SEC24D: variants seen among roughly 807,000 people sequenced by gnomAD.
The protein encoded by SEC24D is protein transport protein Sec24D.
In SEC24D, 69 loss-of-function variants were observed where a neutral mutation model predicts 116.9. The ratio of observed to expected loss-of-function variants is 0.59; its 90% CI spans 0.49 to 0.72. The LOEUF is 0.72. SEC24D is among the 30% of genes least tolerant of loss of function. The pLI is 0.00. For missense variants in SEC24D, 1,131 were observed against 1,264.1 expected (o/e 0.89, Z 1.60); for synonymous variants, 405 against 442.8 (o/e 0.91, Z 1.07).
At chr4:118,791,940 C>T (rs951162512) in intron 8 of SEC24D, among the ~76,000 whole-genome samples, 6 of 152,046 alleles carry the variant, frequency 3.9e-5, no homozygotes, top group Non-Finnish European at 2.9e-5. Context: ...TCTGCCCGAC[C>T]GCCACCCCGT....
At chr4:118,781,127 G>A (rs954444534) in intron 8 of SEC24D, among the ~76,000 whole-genome samples, 4 of 151,884 alleles carry the variant, frequency 2.6e-5, no homozygotes, top group Admixed American at 6.6e-5. Context: ...TCATCCTGAC[G>A]TTATGATGTT....
At chr4:118,785,917 A>C (rs1006202585) in intron 8 of SEC24D, among the ~76,000 whole-genome samples, 1 of 152,164 alleles carries the variant, frequency 6.6e-6, no homozygotes, top group Non-Finnish European at 1.5e-5. Context: ...CAGACACCCA[A>C]AATCAAGATA....
At chr4:118,824,809 G>A in intron 2 of SEC24D, 60 bp from the exon 3 acceptor site, 1 of 1,445,622 alleles carries the variant, frequency 6.9e-7, no homozygotes, top group Non-Finnish European at 9.3e-7. Flanking sequence ...ATGAGGCAAA[G>A]TCATTAGGTT....
intron 8 of SEC24D, among the ~76,000 whole-genome samples, chr4:118,784,318 TCA>T (rs1396855952): frequency 1.3e-5 from 2 of 152,214 alleles, no homozygotes; most frequent in Non-Finnish European, 2.9e-5. Context: ...TGACTTGTTA[TCA>T]AAATAAAAGT....
intron 8 of SEC24D, among the ~76,000 whole-genome samples, chr4:118,780,273 T>C (rs1728337491): frequency 6.6e-6 from 1 of 152,228 alleles, no homozygotes; most frequent in Non-Finnish European, 1.5e-5. Context: ...CTGCTTTATA[T>C]GTGTCCCAGA....
chr4:118,745,431 G>T (rs1054577146), intron 13 of SEC24D, among the ~76,000 whole-genome samples: 2 of 152,206 alleles, frequency 1.3e-5, no homozygotes, highest in African/African-American at 4.8e-5. Flanking sequence ...ATGTAAAGTA[G>T]ATGGTAGAAT....
intron 5 of SEC24D, 131 bp downstream of exon 5, chr4:118,815,319 CA>C: frequency 7.2e-7 from 1 of 1,387,254 alleles, no homozygotes; most frequent in Non-Finnish European, 9.9e-7. Context: ...TTGCTCTTGC[CA>C]AAACTCTTCA....
At chr4:118,750,391 T>C (rs1471614457) in intron 13 of SEC24D, among the ~76,000 whole-genome samples, 1 of 152,266 alleles carries the variant, frequency 6.6e-6, no homozygotes, top group Non-Finnish European at 1.5e-5. Flanking sequence ...AAGATAGCAT[T>C]GCTCCCTTTT....
rs979785321 is a variant in SEC24D at position 118,789,634 on chromosome 4, G to C, written c.1041+8049C>G. ...GAGTCTTACTCTGTCACTTAAGCTAGAGCGCAGTGGCGCAACCTTAGCTCA... is the reference window on the plus strand; with the variant it reads ...GAGTCTTACTCTGTCACTTAAGCTACAGCGCAGTGGCGCAACCTTAGCTCA... On this transcript the variant is annotated intron_variant, in intron 8 of 22. Transcript: ENST00000280551. Among the ~76,000 whole-genome samples the C allele has an allele frequency of 2.6e-5, 4 of 152,168 alleles. 1 individual carries two copies. The highest frequency in any genetic ancestry group is 7.2e-5 in the African/African-American group (3 of 41,520).
chr4:118,769,345 A>G (rs894355557), intron 8 of SEC24D, among the ~76,000 whole-genome samples: 3 of 152,196 alleles, frequency 2.0e-5, no homozygotes, highest in Non-Finnish European at 4.4e-5. Context: ...CTGCCTTCCC[A>G]ACTCTTCTGG....
chr4:118,824,139 C>CTTCATAACTTTTCTTGTTTTTT (rs1208069936), intron 3 of SEC24D, among the ~76,000 whole-genome samples: 3 of 151,942 alleles, frequency 2.0e-5, no homozygotes, highest in Non-Finnish European at 2.9e-5. Flanking sequence ...CTGTCTTTTT[C>CTTCATAACTTTTCTTGTTTTTT]TTCATAACTT....
At chr4:118,758,451 CG>C (rs1313614998) in intron 10 of SEC24D, 3 of 152,106 alleles carry the variant, frequency 2.0e-5, no homozygotes, top group Non-Finnish European at 4.4e-5. Flanking sequence ...GAACGTCAGG[CG>C]TTTTCTTTAT....
intron 13 of SEC24D, among the ~76,000 whole-genome samples, chr4:118,749,126 T>C (rs549785937): frequency 1.3e-5 from 2 of 152,152 alleles, no homozygotes; most frequent in Admixed American, 6.5e-5. Flanking sequence ...CAGCAATTCA[T>C]GTATAGTTGA....
intron 19 of SEC24D, 84 bp from the exon 20 acceptor site, chr4:118,732,996 A>G (rs1725773643): frequency 8.2e-7 from 1 of 1,213,956 alleles, no homozygotes; most frequent in Admixed American, 1.9e-5. Flanking sequence ...CTGAAACATT[A>G]TTTGCTTCTG....
chr4:118,759,514 A>T (rs1470258099), intron 10 of SEC24D, among the ~76,000 whole-genome samples: 5 of 152,196 alleles, frequency 3.3e-5, no homozygotes, highest in Non-Finnish European at 7.3e-5. Flanking sequence ...CTGGTTTTCC[A>T]TGCCACCTTA....
chr4:118,748,220 C>T (rs1373237794), intron 13 of SEC24D, among the ~76,000 whole-genome samples: 1 of 151,940 alleles, frequency 6.6e-6, no homozygotes, highest in Non-Finnish European at 1.5e-5. Context: ...GAGCCGAGAT[C>T]ATGCCACTGC....
chr4:118,792,280 C>T (rs961803040), intron 8 of SEC24D, among the ~76,000 whole-genome samples: 1 of 149,342 alleles, frequency 6.7e-6, no homozygotes, highest in African/African-American at 2.5e-5. Flanking sequence ...TGGGGGGCAG[C>T]CCCCGCCCGG....
intron 8 of SEC24D, among the ~76,000 whole-genome samples, chr4:118,772,850 A>C (rs1485387133): frequency 6.6e-6 from 1 of 152,168 alleles, no homozygotes; most frequent in African/African-American, 2.4e-5. Flanking sequence ...TGGTGCTGGT[A>C]AAGGGCAGAG....
intron 12 of SEC24D, 122 bp from the exon 13 acceptor site, chr4:118,752,211 T>C: frequency 1.6e-6 from 1 of 629,520 alleles, no homozygotes; most frequent in Non-Finnish European, 2.8e-6. Flanking sequence ...CCAACACCTA[T>C]AGGTAATTTT....
Sources: allele counts gnomAD v4.1 joint callset (sites outside exome capture counted in the v4.1 genomes callset), GRCh38; gene constraint gnomAD v4.1.1; transcripts MANE v1.5; gene names NCBI Gene and HGNC (gene_info 2026-07-23, HGNC 2026-07-21).